Variants in DAGLA observed in about 807,000 individuals in gnomAD.
DAGLA encodes diacylglycerol lipase alpha.
Under a neutral mutation model 102.6 loss-of-function variants are expected in DAGLA, and 22 were observed. The ratio of observed to expected loss-of-function variants is 0.21; its 90% confidence interval spans 0.15 to 0.31. The LOEUF is 0.31. Among genes scored for constraint, DAGLA ranks in the 10% least tolerant of loss-of-function variants. The pLI, the probability that DAGLA is intolerant of heterozygous loss-of-function variation, is 1.00. For synonymous variants in DAGLA, 578 were observed against 628.9 expected, an observed-to-expected ratio of 0.92 and a Z score of 1.21; for missense variants, 927 against 1,446.6, an observed-to-expected ratio of 0.64 and a Z score of 5.83.
At chr11:61,715,081 A>C (rs890418959) in intron 1 of DAGLA, among the ~76,000 whole-genome samples, 1 of 152,192 alleles carries the variant, frequency 6.6e-6, no homozygotes, top group African/African-American at 2.4e-5. Context: ...ACCTTGTCCA[A>C]GGTCACACAG....
intron 19 of DAGLA, among the ~76,000 whole-genome samples, chr11:61,742,999 G>A (rs2065493963): frequency 2.0e-5 from 3 of 152,038 alleles, no homozygotes; most frequent in Admixed American, 6.5e-5. Context: ...AGCCCCTCAG[G>A]GACCCCGCGG....
chr11:61,699,090 G>T (rs561620263), intron 1 of DAGLA, among the ~76,000 whole-genome samples: 23 of 152,336 alleles, frequency 1.5e-4, no homozygotes, highest in Admixed American at 1.3e-3. Context: ...GCTGCGTATG[G>T]GTGGGGGCCA....
At chr11:61,720,609 C>T in intron 2 of DAGLA, 70 bp from the exon 3 acceptor site, 1 of 1,455,232 alleles carries the variant, frequency 6.9e-7, no homozygotes, top group Non-Finnish European at 9.6e-7. Context: ...TGGGGAAGGG[C>T]CTGCCTGCTA....
chr11:61,697,705 G>A (rs568339699), intron 1 of DAGLA, among the ~76,000 whole-genome samples: 2 of 152,002 alleles, frequency 1.3e-5, no homozygotes, highest in East Asian at 1.9e-4. Flanking sequence ...TTTTTAGACA[G>A]GGTCTTGCTC....
At chr11:61,697,596 A>G (rs1389192541) in intron 1 of DAGLA, among the ~76,000 whole-genome samples, 2 of 151,544 alleles carry the variant, frequency 1.3e-5, no homozygotes, top group African/African-American at 4.9e-5. Context: ...ATCCTTCCTC[A>G]CCTTCCTCCC....
intron 1 of DAGLA, among the ~76,000 whole-genome samples, chr11:61,694,611 A>C (rs2065049195): frequency 6.6e-6 from 1 of 152,046 alleles, no homozygotes; most frequent in African/African-American, 2.4e-5. Flanking sequence ...GCCTTTATTC[A>C]AGTGCCCCCT....
At chr11:61,711,333 T>C (rs532467612) in intron 1 of DAGLA, among the ~76,000 whole-genome samples, 11 of 152,278 alleles carry the variant, frequency 7.2e-5, no homozygotes, top group African/African-American at 2.2e-4. Context: ...GATGTGGACG[T>C]GTGGGACAAG....
intron 3 of DAGLA, among the ~76,000 whole-genome samples, chr11:61,722,077 C>G (rs997657011): frequency 1.8e-4 from 27 of 152,250 alleles, no homozygotes; most frequent in African/African-American, 6.5e-4. Flanking sequence ...GCTGCTGGGC[C>G]CTTCCTCTCT....
chr11:61,732,013 A>G (rs571001423), intron 9 of DAGLA, among the ~76,000 whole-genome samples: 1 of 152,232 alleles, frequency 6.6e-6, no homozygotes, highest in East Asian at 1.9e-4. Flanking sequence ...CCTTAGCCCC[A>G]GACCTGGCCT....
chr11:61,721,470 G>C (rs1320013282), intron 3 of DAGLA, among the ~76,000 whole-genome samples: 1 of 152,228 alleles, frequency 6.6e-6, no homozygotes, highest in Non-Finnish European at 1.5e-5. Context: ...TGCCCCTACA[G>C]CAGCCGAGTT....
intron 1 of DAGLA, among the ~76,000 whole-genome samples, chr11:61,710,778 A>G (rs534802829): frequency 6.6e-6 from 1 of 152,270 alleles, no homozygotes; most frequent in East Asian, 1.9e-4. Context: ...TTCTGCGCAC[A>G]CTGGGGAGAC....
intron 2 of DAGLA, 125 bp downstream of exon 2, chr11:61,720,375 C>G: frequency 1.1e-6 from 1 of 941,684 alleles, no homozygotes; most frequent in Non-Finnish European, 1.6e-6. Flanking sequence ...CCCAGCTGCC[C>G]GGAGGAGGTG....
chr11:61,712,881 T>C (rs1033082740), intron 1 of DAGLA, among the ~76,000 whole-genome samples: 1 of 152,222 alleles, frequency 6.6e-6, no homozygotes, highest in African/African-American at 2.4e-5. Flanking sequence ...GGTATTTTTT[T>C]CTTGCAAGTA....
Position 61,734,501 on chromosome 11 carries a change from G to A in DAGLA, c.975-348G>A, listed in dbSNP as rs1182294779. Among the ~76,000 whole-genome samples, 1 of 152,118 alleles carries A rather than the reference G, an allele frequency of 6.6e-6. No individual in the cohort carries two copies. The highest frequency in any genetic ancestry group is 2.4e-5 in the African/African-American group (1 of 41,406). ...GTGTCTAAAACACAAGACTGCATGA[G>A]TGCATGGAGGAGCCAGTGCCCCCAG... On this transcript the variant is annotated intron_variant, in intron 9 of 19. Transcript: ENST00000257215. This position sits in a 1 kb window ranked among gnomAD's most constrained non-coding sequence, Gnocchi z 4.2.
At chr11:61,715,945 G>A (rs198434) in intron 1 of DAGLA, among the ~76,000 whole-genome samples, 99,854 of 152,148 alleles carry the variant, frequency 0.66, 33,118 homozygotes, top group East Asian at 0.94. Flanking sequence ...TAGCCAGAGG[G>A]GGGGGAGAGG....
chr11:61,723,697 G>A, intron 5 of DAGLA, 125 bp downstream of exon 5: 2 of 1,280,314 alleles, frequency 1.6e-6, no homozygotes, highest in South Asian at 1.4e-5. Flanking sequence ...GTGAGCCGTG[G>A]GCATTAGTCA....
intron 19 of DAGLA, among the ~76,000 whole-genome samples, chr11:61,741,607 CTTTTTT>C (rs34881719): frequency 1.8e-4 from 24 of 132,016 alleles, no homozygotes; most frequent in African/African-American, 6.8e-4. Flanking sequence ...CAGATTCACT[CTTTTTT>C]TTTTTTTTTT....
intron 1 of DAGLA, among the ~76,000 whole-genome samples, chr11:61,707,399 T>G (rs1280434841): frequency 6.6e-6 from 1 of 152,222 alleles, no homozygotes; most frequent in Non-Finnish European, 1.5e-5. Context: ...CTGGCACTTG[T>G]CAGGGGCCTG....
intron 15 of DAGLA, 107 bp downstream of exon 15, chr11:61,737,862 C>A: frequency 9.8e-7 from 1 of 1,022,230 alleles, no homozygotes; most frequent in Non-Finnish European, 1.5e-6. Flanking sequence ...ATTCCTGTCT[C>A]TCAAGGGACC....
Sources: allele counts gnomAD v4.1 joint callset (sites outside exome capture counted in the v4.1 genomes callset), GRCh38; gene constraint gnomAD v4.1.1; non-coding constraint Gnocchi (gnomAD v3.1); transcripts MANE v1.5; gene names NCBI Gene and HGNC (gene_info 2026-07-23, HGNC 2026-07-21).